ELAVL3: variants seen among roughly 807,000 people sequenced by gnomAD.
ELAVL3 encodes the protein ELAV like RNA binding protein 3, also known as ELAV-like protein 3.
ELAVL3 carries 8 observed loss-of-function variants against 34.2 expected under a neutral mutation model. The ratio of observed to expected loss-of-function variants is 0.23; its 90% CI spans 0.14 to 0.42. The LOEUF (loss-of-function observed/expected upper bound fraction) is 0.42, where lower values mean the gene tolerates loss of function less well. ELAVL3 is among the 10% of genes least tolerant of loss of function. The pLI is 1.00. For synonymous variants in ELAVL3, 209 were observed against 222.1 expected (o/e 0.94, Z 0.53); for missense variants, 273 against 518.8 (o/e 0.53, Z 4.60).
chr19:11,475,545 C>A (rs1971246284), intron 1 of ELAVL3, among the ~76,000 whole-genome samples: 1 of 151,868 alleles, frequency 6.6e-6, no homozygotes, highest in South Asian at 2.1e-4. Context: ...CTCAAGGGAT[C>A]CTCCTGCCTC....
chr19:11,480,529 C>A lies in ELAVL3; in HGVS notation c.9+71G>T. The A allele has an allele frequency of 4.1e-6, 6 of 1,476,564 alleles. No homozygotes were observed. The South Asian group carries it at 8.4e-5, about 21-fold the overall frequency. 91.5% of individuals were successfully genotyped at this position (1,476,564 alleles called of 1,614,324 possible). On this transcript the variant is annotated intron_variant, in intron 1 of 6. Transcript: ENST00000359227. This position sits in a 1 kb window ranked among gnomAD's most constrained non-coding sequence, Gnocchi z 6.8. The stretch of plus-strand genomic sequence containing the variant: ...GTCCTACCCCCCCCGCCGCACCCGC[C>A]CAATCTCCGCGGAGCCTGGGCCCAA...
chr19:11,451,494 C>CTTTTTTTTTTTTTTTTT lies in ELAVL3; in HGVS notation c.*3015_*3031dup, dbSNP rs950823031. The stretch of plus-strand genomic sequence containing the variant: ...TTTTTTTTTTTGTCTTTTGTTTTGT[C>CTTTTTTTTTTTTTTTTT]TTTTTTTTTTTTTTTTTTTTTACAG... On this transcript the variant is annotated 3_prime_UTR_variant, in exon 7 of 7. Transcript: ENST00000359227. 1 of 65,532 alleles carries CTTTTTTTTTTTTTTTTT rather than the reference C, an allele frequency of 1.5e-5. No homozygotes were observed. The highest frequency in any genetic ancestry group is 3.0e-5 in the Non-Finnish European group (1 of 33,100). 4.1% of individuals were successfully genotyped at this position (65,532 alleles called of 1,614,324 possible).
At chr19:11,465,480 T>C (rs1189690753) in intron 3 of ELAVL3, among the ~76,000 whole-genome samples, 2 of 152,020 alleles carry the variant, frequency 1.3e-5, no homozygotes, top group African/African-American at 4.8e-5. Flanking sequence ...AAGGGACCCA[T>C]TGGGTCACAA....
chr19:11,468,244 G>A (rs919905556), intron 1 of ELAVL3, among the ~76,000 whole-genome samples: 6 of 151,962 alleles, frequency 3.9e-5, no homozygotes, highest in Admixed American at 2.0e-4. Flanking sequence ...ATCTCCCCTT[G>A]CCACCCCCAG....
intron 3 of ELAVL3, among the ~76,000 whole-genome samples, chr19:11,464,524 C>T (rs187754692): frequency 1.1e-4 from 17 of 149,998 alleles, no homozygotes; most frequent in Non-Finnish European, 1.9e-4. Context: ...CAGTGAGTCA[C>T]GGGACACCTG....
At chr19:11,472,151 C>A (rs534322179) in intron 1 of ELAVL3, among the ~76,000 whole-genome samples, 1 of 152,238 alleles carries the variant, frequency 6.6e-6, no homozygotes, top group South Asian at 2.1e-4. Context: ...GAGTTTGAGA[C>A]CAGCCTGGCT....
intron 1 of ELAVL3, among the ~76,000 whole-genome samples, chr19:11,474,649 C>T (rs1971230201): frequency 6.6e-6 from 1 of 151,540 alleles, no homozygotes; most frequent in Non-Finnish European, 1.5e-5. Context: ...GCCTATTATT[C>T]TTTTATTTAA....
chr19:11,467,775 C>A (rs1052747063), intron 1 of ELAVL3, among the ~76,000 whole-genome samples: 2 of 149,288 alleles, frequency 1.3e-5, no homozygotes, highest in African/African-American at 4.9e-5. Context: ...TGAACCACCG[C>A]GTCTGGCCCC....
chr19:11,472,826 A>T (rs1334161193), intron 1 of ELAVL3, among the ~76,000 whole-genome samples: 6 of 152,158 alleles, frequency 3.9e-5, no homozygotes, highest in Non-Finnish European at 8.8e-5. Flanking sequence ...GCACTTTGGG[A>T]GACCAAGGGG....
chr19:11,457,649 A>G (rs1424389969), intron 5 of ELAVL3, among the ~76,000 whole-genome samples: 2 of 152,182 alleles, frequency 1.3e-5, no homozygotes, highest in African/African-American at 4.8e-5. Context: ...TCTGTGCCTC[A>G]GGGTCCCCGT....
In ELAVL3 at chr19:11,454,513, A is replaced by G. The variant is rs1260006485; in HGVS notation, c.*13T>C. 2 of 1,563,872 alleles carry G rather than the reference A, an allele frequency of 1.3e-6. No individual in the cohort carries two copies. The highest frequency in any genetic ancestry group is 3.5e-5 in the Admixed American group (2 of 56,808). ...CTGCCCGGGGAGGGGGTGGGAGGGC[A>G]GGCGGGGTGGGCTCACGCCTTGTGC... On this transcript the variant is annotated 3_prime_UTR_variant, in exon 7 of 7. Transcript: ENST00000359227. This position sits in a 1 kb window ranked among gnomAD's most constrained non-coding sequence, Gnocchi z 9.2.
intron 1 of ELAVL3, among the ~76,000 whole-genome samples, chr19:11,473,776 C>T (rs1971212221): frequency 1.3e-5 from 2 of 152,230 alleles, no homozygotes; most frequent in South Asian, 4.1e-4. Context: ...TTTCCAACTT[C>T]CACTGCCAAC....
chr19:11,462,583 C>T (rs1332491970), intron 3 of ELAVL3, among the ~76,000 whole-genome samples: 1 of 150,708 alleles, frequency 6.6e-6, no homozygotes. Flanking sequence ...TTGCAGTGAG[C>T]CGAGAGCGCA....
Position 11,466,552 on chromosome 19 carries a change from C to T in ELAVL3, c.229+56G>A. The T allele has an allele frequency of 6.3e-7, 1 of 1,593,242 alleles. No individual in the cohort carries two copies. The highest frequency in any genetic ancestry group is 8.6e-7 in the Non-Finnish European group (1 of 1,164,766). On this transcript the variant is annotated intron_variant, in intron 2 of 6. Transcript: ENST00000359227. The surrounding 1 kb of genome is among the most constrained non-coding windows in gnomAD (Gnocchi z 5.0). ...CAAGGGTCCCACCTGCCCCCATCAC[C>T]TCTGTATTTCTGAGGCTACCACCTC...
intron 3 of ELAVL3, among the ~76,000 whole-genome samples, chr19:11,462,388 G>C (rs928910140): frequency 2.0e-5 from 3 of 151,898 alleles, no homozygotes; most frequent in African/African-American, 7.3e-5. Flanking sequence ...TGTAATCCCA[G>C]CACTTTGGGA....
At position 11,452,059 on chromosome 19, in the gene ELAVL3, A is replaced by C. The variant is rs1263873712; in HGVS notation, c.*2467T>G. 3 of 152,248 alleles carry C rather than the reference A, an allele frequency of 2.0e-5. No individual in the cohort carries two copies. Among genetic ancestry groups the C allele is most frequent in the Non-Finnish European group, 4.4e-5 (3 of 68,036 alleles). The allele number at this position is 152,248 out of a possible 1,614,324, so 9.4% of individuals were successfully genotyped here. ...AGAATAAATAGGTTCGTGTATCAAG[A>C]ACAAGCTAGGGATTTCACCAGCTAA... On this transcript the variant is annotated 3_prime_UTR_variant, in exon 7 of 7. Transcript: ENST00000359227.
Position 11,480,520 on chromosome 19 carries a change from CG to C in ELAVL3, c.9+79del. 1 of 1,426,470 alleles carries C rather than the reference CG, an allele frequency of 7.0e-7. No homozygotes were observed. Among genetic ancestry groups the C allele is most frequent in the Non-Finnish European group, 9.2e-7 (1 of 1,087,218 alleles). The allele number at this position is 1,426,470 out of a possible 1,614,324, so 88.4% of individuals were successfully genotyped here. On this transcript the variant is annotated intron_variant, in intron 1 of 6. Transcript: ENST00000359227. The surrounding 1 kb of genome is among the most constrained non-coding windows in gnomAD (Gnocchi z 6.8). ...CTAGGCCTGGTCCTACCCCCCCCGC[CG>C]CACCCGCCCAATCTCCGCGGAGCCT...
Position 11,460,134 on chromosome 19 carries a change from C to T in ELAVL3, c.334-1523G>A, listed in dbSNP as rs528572207. ...CCAACTCACTAATGGCAACTCTGTCCTCCTAAGTGCTCATGTCCCCAGGTT... is the reference window on the plus strand; with the variant it reads ...CCAACTCACTAATGGCAACTCTGTCTTCCTAAGTGCTCATGTCCCCAGGTT... On this transcript the variant is annotated intron_variant, in intron 3 of 6. Transcript: ENST00000359227. 5.3e-5 allele frequency among the ~76,000 whole-genome samples: 8 copies of T among 152,248 alleles called. No individual in the cohort carries two copies. The South Asian group carries it at 1.0e-3, about 20-fold the overall frequency.
rs1036143094 is a variant in ELAVL3 at position 11,480,035 on chromosome 19, G to C, written c.9+565C>G. On this transcript the variant is annotated intron_variant, in intron 1 of 6. Coordinates refer to ENST00000359227, the MANE Select transcript of ELAVL3 (RefSeq NM_001420.4). This position sits in a 1 kb window ranked among gnomAD's most constrained non-coding sequence, Gnocchi z 6.8. Reference sequence around the variant, plus strand: ...CGAGAAACAAAGGGACGCGGCAGCAGCGGCGGCGGGCCCGCGGGGCCTCCG... The same window carrying C: ...CGAGAAACAAAGGGACGCGGCAGCACCGGCGGCGGGCCCGCGGGGCCTCCG... 1.3e-5 allele frequency among the ~76,000 whole-genome samples: 2 copies of C among 151,472 alleles called. No individual in the cohort carries two copies. The highest frequency in any genetic ancestry group is 3.0e-5 in the Non-Finnish European group (2 of 67,760).
Sources: gnomAD v4.1 joint callset for allele counts (sites outside exome capture counted in the v4.1 genomes callset) on GRCh38, gnomAD v4.1.1 for gene constraint, Gnocchi (gnomAD v3.1) non-coding constraint, MANE v1.5 for transcripts, NCBI Gene and HGNC (gene_info 2026-07-23, HGNC 2026-07-21) for gene names.